The following PRMT3 variants were observed in gnomAD, a reference collection of about 807,000 sequenced individuals.
PRMT3 encodes the protein protein arginine N-methyltransferase 3.
Under a neutral mutation model 71.9 loss-of-function variants are expected in PRMT3, and 62 were observed. The observed-to-expected ratio is 0.86, with a 90% CI of 0.70 to 1.07. PRMT3 has a LOEUF of 1.07. PRMT3 is among the 50% of genes least tolerant of loss of function. The pLI is 0.00. For synonymous variants in PRMT3, 213 were observed against 220.4 expected (o/e 0.97, Z 0.30); for missense variants, 663 against 643.0 (o/e 1.03, Z -0.34).
At chr11:20,489,052 T>C (rs892416220) in intron 13 of PRMT3, among the ~76,000 whole-genome samples, 1 of 152,222 alleles carries the variant, frequency 6.6e-6, no homozygotes, top group Non-Finnish European at 1.5e-5. Flanking sequence ...TCGAGGATTC[T>C]CACAAAATAT....
Position 20,395,812 on chromosome 11 carries a change from A to G in PRMT3, c.410A>G (p.Asp137Gly), listed in dbSNP as rs765637078. ...CCATTTATTTCTTTAGATGTAGAAG[A>G]TCTTTATGAACCGGTGTCAGTACCC... ...DDLLLQFDVE[D>G]LYEPVSVPFS... The change falls in exon 6 of 16, where the codon GAT becomes GGT. Residue 137 changes from aspartate to glycine, a missense_variant. Physicochemically the swap from Asp to Gly is moderately conservative, Grantham distance 94 (BLOSUM62 -1). Transcript: ENST00000331079. 11 of 1,610,872 alleles carry G rather than the reference A, an allele frequency of 6.8e-6. No individual in the cohort carries two copies. The Admixed American group carries it at 1.9e-4, about 27-fold the overall frequency.
chr11:20,441,245 G>C (rs1188440008), intron 10 of PRMT3, among the ~76,000 whole-genome samples: 2 of 150,774 alleles, frequency 1.3e-5, no homozygotes, highest in African/African-American at 4.9e-5. Flanking sequence ...TGTTCCTACA[G>C]ACCAGATGTT....
intron 13 of PRMT3, among the ~76,000 whole-genome samples, chr11:20,479,106 C>G (rs7941826): frequency 0.5 from 75,215 of 151,944 alleles, 20,515 homozygotes; most frequent in Middle Eastern, 0.63. Flanking sequence ...GAGAACATTT[C>G]TCATTATGTG....
intron 9 of PRMT3, among the ~76,000 whole-genome samples, chr11:20,408,617 C>T (rs898365745): frequency 2.6e-5 from 4 of 152,130 alleles, no homozygotes; most frequent in Non-Finnish European, 5.9e-5. Context: ...GGCTTATACC[C>T]TAGTGAGAAG....
intron 13 of PRMT3, among the ~76,000 whole-genome samples, chr11:20,479,705 G>A (rs1590097259): frequency 6.6e-6 from 1 of 152,094 alleles, no homozygotes. Flanking sequence ...AATAAGAAAC[G>A]CCTAAGAGTG....
At chr11:20,441,507 C>T (rs993180588) in intron 10 of PRMT3, among the ~76,000 whole-genome samples, 3 of 151,658 alleles carry the variant, frequency 2.0e-5, no homozygotes, top group Admixed American at 1.3e-4. Context: ...CGGGGTTTCA[C>T]CATGTTAGCC....
intron 9 of PRMT3, among the ~76,000 whole-genome samples, chr11:20,415,894 T>G (rs547870595): frequency 1.7e-3 from 262 of 152,312 alleles, no homozygotes; most frequent in Non-Finnish European, 2.8e-3. Flanking sequence ...TATAGAGATC[T>G]AAGCAAGAAC....
At chr11:20,457,106 C>CCTTG (rs1014932438) in intron 11 of PRMT3, among the ~76,000 whole-genome samples, 3 of 152,096 alleles carry the variant, frequency 2.0e-5, no homozygotes, top group Non-Finnish European at 4.4e-5. Flanking sequence ...GATCTCTTGA[C>CCTTG]CTTGCTTGCT....
intron 15 of PRMT3, among the ~76,000 whole-genome samples, chr11:20,499,636 T>A (rs1851412314): frequency 6.6e-6 from 1 of 151,784 alleles, no homozygotes; most frequent in Non-Finnish European, 1.5e-5. Context: ...TAAAAAAAAA[T>A]TAAATTTTTT....
At chr11:20,447,554 G>A (rs146508178) in intron 10 of PRMT3, among the ~76,000 whole-genome samples, 9 of 152,146 alleles carry the variant, frequency 5.9e-5, no homozygotes, top group Admixed American at 2.6e-4. Flanking sequence ...ACCTGGTATG[G>A]GGCATAAAGG....
At position 20,509,259 on chromosome 11, in the gene PRMT3, A is replaced by T. The variant is rs942392694; in HGVS notation, c.*846A>T. 1.7e-5 allele frequency: 1 copy of T among 60,490 alleles called. No homozygotes were observed. The highest frequency in any genetic ancestry group is 6.2e-5 in the Non-Finnish European group (1 of 16,086). The allele number at this position is 60,490 out of a possible 1,614,324, so 3.7% of individuals were successfully genotyped here. ...ATTTGAAATGTAGAATAAAATTTTAATAAAATGTATCAACTTATAAAATAT... is the reference window on the plus strand; with the variant it reads ...ATTTGAAATGTAGAATAAAATTTTATTAAAATGTATCAACTTATAAAATAT... On this transcript the variant is annotated 3_prime_UTR_variant, in exon 16 of 16. Coordinates refer to ENST00000331079, the MANE Select transcript of PRMT3 (RefSeq NM_005788.4).
At chr11:20,401,946 A>G (rs563092921) in intron 7 of PRMT3, among the ~76,000 whole-genome samples, 2 of 152,324 alleles carry the variant, frequency 1.3e-5, no homozygotes, top group East Asian at 3.9e-4. Flanking sequence ...TTTACAGACA[A>G]AACAGGAATG....
chr11:20,486,902 CA>C (rs937112637), intron 13 of PRMT3, among the ~76,000 whole-genome samples: 6 of 151,834 alleles, frequency 4.0e-5, no homozygotes, highest in African/African-American at 1.2e-4. Context: ...ACTAAAATTA[CA>C]AAGATTAGCC....
intron 9 of PRMT3, among the ~76,000 whole-genome samples, chr11:20,410,800 G>C (rs908691806): frequency 2.6e-5 from 4 of 151,982 alleles, no homozygotes; most frequent in Admixed American, 1.3e-4. Context: ...TATTTTTTCT[G>C]TTAAGATAGC....
At chr11:20,428,299 CT>C (rs2133354598) in intron 10 of PRMT3, among the ~76,000 whole-genome samples, 1 of 152,272 alleles carries the variant, frequency 6.6e-6, no homozygotes, top group East Asian at 1.9e-4. Context: ...ATAGTTTATG[CT>C]GTATATTTTA....
intron 5 of PRMT3, among the ~76,000 whole-genome samples, chr11:20,395,519 AT>A (rs1391298194): frequency 2.9e-3 from 409 of 141,890 alleles, no homozygotes; most frequent in Middle Eastern, 7.2e-3. Flanking sequence ...AACTTTTTGT[AT>A]TTTTTTTTTT....
At chr11:20,494,906 T>TA (rs1851298219) in intron 15 of PRMT3, among the ~76,000 whole-genome samples, 1 of 152,134 alleles carries the variant, frequency 6.6e-6, no homozygotes, top group African/African-American at 2.4e-5. Context: ...ATATTACCAA[T>TA]AAAATAAAAG....
chr11:20,425,170 C>T lies in PRMT3; in HGVS notation c.894-1596C>T, dbSNP rs1488063387. Among the ~76,000 whole-genome samples, 9 of 149,928 alleles carry T rather than the reference C, an allele frequency of 6.0e-5. 1 individual carries two copies. In the South Asian group the frequency reaches 1.9e-3, roughly 32 times the overall value. ...GTTTTAAATGGGCAAAAGATTCGAACGAAAGAAGACATGGGAATATGGCAA... is the reference window on the plus strand; with the variant it reads ...GTTTTAAATGGGCAAAAGATTCGAATGAAAGAAGACATGGGAATATGGCAA... On this transcript the variant is annotated intron_variant, in intron 9 of 15. Coordinates refer to ENST00000331079, the MANE Select transcript of PRMT3 (RefSeq NM_005788.4).
At chr11:20,500,492 C>G (rs543642747) in intron 15 of PRMT3, among the ~76,000 whole-genome samples, 2 of 152,164 alleles carry the variant, frequency 1.3e-5, no homozygotes, top group Non-Finnish European at 2.9e-5. Context: ...TATTTCTAAA[C>G]TTACCAAAAG....
Sources: allele counts gnomAD v4.1 joint callset (sites outside exome capture counted in the v4.1 genomes callset), GRCh38; gene constraint gnomAD v4.1.1; transcripts MANE v1.5; gene names NCBI Gene and HGNC (gene_info 2026-07-23, HGNC 2026-07-21).